The following MAP2K5 variants were observed in gnomAD, a reference collection of about 807,000 sequenced individuals.
MAP2K5 encodes the protein mitogen-activated protein kinase kinase 5.
In MAP2K5, 49 loss-of-function variants were observed where a neutral mutation model predicts 83.1. That is an observed-to-expected ratio of 0.59 (90% CI 0.47 to 0.75). MAP2K5 has a LOEUF of 0.75. MAP2K5 is among the 30% of genes least tolerant of loss of function. The pLI, the probability that MAP2K5 is intolerant of heterozygous loss-of-function variation, is 0.00. For missense variants in MAP2K5, 457 were observed against 557.5 expected (o/e 0.82, Z 1.82); for synonymous variants, 202 against 191.8 (o/e 1.05, Z -0.44).
rs1200142475 is a variant in MAP2K5 at position 67,746,829 on chromosome 15, C to T, written c.1075-1402C>T. On this transcript the variant is annotated intron_variant, in intron 17 of 21. Coordinates refer to ENST00000178640, the MANE Select transcript of MAP2K5 (RefSeq NM_145160.3). This position sits in a 1 kb window ranked among gnomAD's most constrained non-coding sequence, Gnocchi z 4.1. ...TTCATTTGACAAATATATGGGAAAA[C>T]ACTTTTTAAAACACTCAGGCAGTAG... Among the ~76,000 whole-genome samples the T allele has an allele frequency of 6.6e-6, 1 of 152,182 alleles. No homozygotes were observed. Among genetic ancestry groups the T allele is most frequent in the African/African-American group, 2.4e-5 (1 of 41,442 alleles).
intron 11 of MAP2K5, among the ~76,000 whole-genome samples, chr15:67,650,819 G>T (rs890752994): frequency 1.3e-5 from 2 of 152,106 alleles, no homozygotes; most frequent in Non-Finnish European, 2.9e-5. Context: ...TCTGATTTTG[G>T]TATCAGGATA....
chr15:67,662,939 G>A (rs2087275294), intron 12 of MAP2K5, among the ~76,000 whole-genome samples: 1 of 151,978 alleles, frequency 6.6e-6, no homozygotes, highest in Non-Finnish European at 1.5e-5. Flanking sequence ...TTATAAATTT[G>A]GGGGGAGCTT....
Position 67,668,865 on chromosome 15 carries a change from A to G in MAP2K5, c.847+4220A>G, listed in dbSNP as rs2087453606. Among the ~76,000 whole-genome samples, 2 of 151,900 alleles carry G rather than the reference A, an allele frequency of 1.3e-5. No homozygotes were observed. Among genetic ancestry groups the G allele is most frequent in the African/African-American group, 2.4e-5 (1 of 41,388 alleles). On this transcript the variant is annotated intron_variant, in intron 13 of 21. Transcript: ENST00000178640. This position sits in a 1 kb window ranked among gnomAD's most constrained non-coding sequence, Gnocchi z 4.0. ...GTTGGTGTGCCAGGAGTTTTTTTGTATATATGAACCTGGTTAGTTTCATTT... is the reference window on the plus strand; with the variant it reads ...GTTGGTGTGCCAGGAGTTTTTTTGTGTATATGAACCTGGTTAGTTTCATTT...
At chr15:67,678,006 T>C (rs2087720570) in intron 13 of MAP2K5, among the ~76,000 whole-genome samples, 1 of 152,228 alleles carries the variant, frequency 6.6e-6, no homozygotes. Context: ...CTACCCTTTC[T>C]TATGTGATGG....
intron 8 of MAP2K5, among the ~76,000 whole-genome samples, chr15:67,611,185 CTA>C (rs1379407326): frequency 1.3e-5 from 2 of 151,998 alleles, no homozygotes; most frequent in Non-Finnish European, 2.9e-5. Flanking sequence ...GAAAAGTTAT[CTA>C]AAAATTATGA....
chr15:67,628,332 T>C, intron 8 of MAP2K5: 1 of 503,858 alleles, frequency 2.0e-6, no homozygotes, highest in Non-Finnish European at 3.5e-6. Context: ...ATACAAAAAT[T>C]AGCTGGTCGT....
chr15:67,687,291 G>C (rs2087982080), intron 13 of MAP2K5, among the ~76,000 whole-genome samples: 1 of 152,118 alleles, frequency 6.6e-6, no homozygotes, highest in Non-Finnish European at 1.5e-5. Context: ...GTCTGGAGTA[G>C]AACACAAAAA....
chr15:67,550,106 T>C, intron 2 of MAP2K5, 24 bp downstream of exon 2: 2 of 1,607,190 alleles, frequency 1.2e-6, no homozygotes, highest in Middle Eastern at 3.3e-4. Context: ...GTATACTTTC[T>C]TGACTATTCC....
chr15:67,804,142 C>A (rs923469902), intron 21 of MAP2K5, among the ~76,000 whole-genome samples: 1 of 152,148 alleles, frequency 6.6e-6, no homozygotes, highest in African/African-American at 2.4e-5. Flanking sequence ...GCCGTCACGA[C>A]CCCCCGCCTG....
rs562367874 is a variant in MAP2K5, at chr15:67,638,806, C to T, written c.586-7425C>T. ...GGTATCTCATTGTGGTTTTGATTTACGTTTCTCAAATGATCAGTGATGTTG... is the reference window on the plus strand; with the variant it reads ...GGTATCTCATTGTGGTTTTGATTTATGTTTCTCAAATGATCAGTGATGTTG... On this transcript the variant is annotated intron_variant, in intron 9 of 21. Coordinates refer to ENST00000178640, the MANE Select transcript of MAP2K5 (RefSeq NM_145160.3). This position sits in a 1 kb window ranked among gnomAD's most constrained non-coding sequence, Gnocchi z 4.5. Among the ~76,000 whole-genome samples the T allele has an allele frequency of 2.6e-5, 4 of 152,272 alleles. No homozygotes were observed. The South Asian group carries it at 8.3e-4, about 32-fold the overall frequency.
intron 16 of MAP2K5, among the ~76,000 whole-genome samples, chr15:67,711,366 T>A (rs565294624): frequency 2.1e-4 from 32 of 152,338 alleles, no homozygotes; most frequent in African/African-American, 7.0e-4. Context: ...AGGTATCAGA[T>A]CCAGATTTGA....
At chr15:67,549,121 C>T in intron 1 of MAP2K5, 1 of 1,535,232 alleles carries the variant, frequency 6.5e-7, no homozygotes, top group Non-Finnish European at 8.7e-7. Context: ...CTGGGAGGGA[C>T]ACTGTGGCAG....
At chr15:67,671,131 T>C (rs1271095881) in intron 13 of MAP2K5, among the ~76,000 whole-genome samples, 1 of 152,164 alleles carries the variant, frequency 6.6e-6, no homozygotes, top group African/African-American at 2.4e-5. Flanking sequence ...GGATGATCAC[T>C]CAGATTTCTT....
rs2141354949 is a variant in MAP2K5 at position 67,806,846 on chromosome 15, T to C, written c.*96T>C. On this transcript the variant is annotated 3_prime_UTR_variant, in exon 22 of 22. Transcript: ENST00000178640. ...TATGCTGCCTGCGCCAGAAGAGCTT[T>C]GCTGGGCCCTGGCTTCCCTGCCCTC... is the stretch of plus-strand genomic sequence containing the variant. The C allele has an allele frequency of 1.3e-6, 2 of 1,596,756 alleles. No individual in the cohort carries two copies. Among genetic ancestry groups the C allele is most frequent in the Non-Finnish European group, 1.7e-6 (2 of 1,178,922 alleles).
chr15:67,558,095 A>G (rs1166416107), intron 2 of MAP2K5, among the ~76,000 whole-genome samples: 2 of 152,180 alleles, frequency 1.3e-5, no homozygotes, highest in South Asian at 4.1e-4. Context: ...GTCATTTCTT[A>G]TTAATAGTCT....
At position 67,779,970 on chromosome 15, in the gene MAP2K5, G is replaced by A. The variant is rs1596961219; in HGVS notation, c.1242+7218G>A. Among the ~76,000 whole-genome samples, 1 of 152,198 alleles carries A rather than the reference G, an allele frequency of 6.6e-6. No individual in the cohort carries two copies. Among genetic ancestry groups the A allele is most frequent in the East Asian group, 1.9e-4 (1 of 5,184 alleles). On this transcript the variant is annotated intron_variant, in intron 21 of 21. Transcript: ENST00000178640. This position sits in a 1 kb window ranked among gnomAD's most constrained non-coding sequence, Gnocchi z 4.6. Reference sequence around the variant, plus strand: ...TTCTGTTATTTGGGTGGTGCCCTCAGCCTAAAAGAGCCTCCTCTCCCCTCC... The same window carrying A: ...TTCTGTTATTTGGGTGGTGCCCTCAACCTAAAAGAGCCTCCTCTCCCCTCC...
chr15:67,694,082 A>G (rs570935864), intron 15 of MAP2K5, among the ~76,000 whole-genome samples: 2 of 152,308 alleles, frequency 1.3e-5, no homozygotes, highest in Admixed American at 6.5e-5. Context: ...ATTCATGCCT[A>G]TTGTAAGATT....
intron 21 of MAP2K5, among the ~76,000 whole-genome samples, chr15:67,791,899 G>C (rs1054127926): frequency 2.0e-5 from 3 of 152,206 alleles, no homozygotes; most frequent in African/African-American, 7.2e-5. Context: ...TCACTGATCT[G>C]TTCCCCTCAC....
chr15:67,689,939 A>G (rs1197488288), intron 13 of MAP2K5, among the ~76,000 whole-genome samples: 2 of 152,242 alleles, frequency 1.3e-5, no homozygotes, highest in Admixed American at 6.5e-5. Flanking sequence ...CACGGGCCAC[A>G]TGAGCCACAG....
Sources: allele counts gnomAD v4.1 joint callset (sites outside exome capture counted in the v4.1 genomes callset), GRCh38; gene constraint gnomAD v4.1.1; non-coding constraint Gnocchi (gnomAD v3.1); transcripts MANE v1.5; gene names NCBI Gene and HGNC (gene_info 2026-07-23, HGNC 2026-07-21).